The following NNT variants were observed in gnomAD, a reference collection of about 807,000 sequenced individuals.
NNT encodes NAD(P) transhydrogenase, mitochondrial.
NNT carries 50 observed loss-of-function variants against 104.8 expected under a neutral mutation model. The observed-to-expected ratio is 0.48, with a 90% confidence interval of 0.38 to 0.60. The LOEUF is 0.60. Among genes scored for constraint, NNT ranks in the 20% least tolerant of loss-of-function variants. NNT has a pLI of 0.00. For synonymous variants in NNT, 461 were observed against 490.4 expected (o/e 0.94, Z 0.79); for missense variants, 1,131 against 1,330.7 (o/e 0.85, Z 2.33).
chr5:43,696,573 A>G (rs566467590), intron 19 of NNT, among the ~76,000 whole-genome samples: 2 of 152,322 alleles, frequency 1.3e-5, no homozygotes, highest in African/African-American at 4.8e-5. Flanking sequence ...GATTTTATGT[A>G]GGTGATCCGA....
rs192171236 is a variant in NNT at position 43,620,442 on chromosome 5, G to A, written c.687+1323G>A. 2.6e-5 allele frequency among the ~76,000 whole-genome samples: 4 copies of A among 151,856 alleles called. No homozygotes were observed. In the East Asian group the frequency reaches 7.8e-4, roughly 30 times the overall value. ...TCACCATGTTGGCGAGGATGGTCTC[G>A]AACTCTTGACCTTGTGATCCGCCCG... On this transcript the variant is annotated intron_variant, in intron 5 of 21. Coordinates refer to ENST00000344920, the MANE Select transcript of NNT (RefSeq NM_182977.3).
rs183470787 is a variant in NNT, at chr5:43,699,620, C to A, written c.2877-499C>A. Among the ~76,000 whole-genome samples, 609 of 152,186 alleles carry A rather than the reference C, an allele frequency of 4.0e-3. 3 individuals are homozygous for A. Among genetic ancestry groups the A allele is most frequent in the Middle Eastern group, 0.01 (3 of 294 alleles). ...CTGCCCGTCTTGGCCTTCCAAAGTGCGGGGATTACAGGCATTAGCCACCAT... is the reference window on the plus strand; with the variant it reads ...CTGCCCGTCTTGGCCTTCCAAAGTGAGGGGATTACAGGCATTAGCCACCAT... On this transcript the variant is annotated intron_variant, in intron 19 of 21. Coordinates refer to ENST00000344920, the MANE Select transcript of NNT (RefSeq NM_182977.3).
In NNT at chr5:43,655,936, T is replaced by C. The variant is rs1740019834; in HGVS notation, c.2156T>C (p.Ile719Thr). The C allele has an allele frequency of 3.1e-6, 5 of 1,614,084 alleles. No homozygotes were observed. The highest frequency in any genetic ancestry group is 4.2e-6 in the Non-Finnish European group (5 of 1,179,898). Residue 719 changes from isoleucine (I) to threonine (T), a missense_variant, in exon 15 of 22, where the codon ATA becomes ACA. Transcript: ENST00000344920. ...LVGLAAVLTC[I>T]AEYIIEYPHF... ...GGTTTGGCAGCTGTACTTACTTGCA[T>C]AGCTGAGTACATTATAGAATATCCA...
At chr5:43,604,927 C>A (rs1209377592) in intron 1 of NNT, among the ~76,000 whole-genome samples, 2 of 152,088 alleles carry the variant, frequency 1.3e-5, no homozygotes, top group Non-Finnish European at 2.9e-5. Context: ...CCCCACTAGC[C>A]TCCCAAAGAG....
Position 43,643,236 on chromosome 5 carries a change from T to C in NNT, c.965-956T>C, listed in dbSNP as rs376807380. 8.1e-4 allele frequency among the ~76,000 whole-genome samples: 123 copies of C among 152,352 alleles called. 1 individual carries two copies. Among genetic ancestry groups the C allele is most frequent in the African/African-American group, 2.8e-3 (117 of 41,586 alleles). On this transcript the variant is annotated intron_variant, in intron 7 of 21. Coordinates refer to ENST00000344920, the MANE Select transcript of NNT (RefSeq NM_182977.3). ...ACCCAGCCATGCTCTACTTCCATAC[T>C]ACTAACATTACAAGTTTATTTCCGT...
At chr5:43,620,467 G>T (rs553155901) in intron 5 of NNT, among the ~76,000 whole-genome samples, 3 of 152,046 alleles carry the variant, frequency 2.0e-5, no homozygotes, top group Non-Finnish European at 4.4e-5. Flanking sequence ...TGATCCGCCC[G>T]CCTTGGCCTC....
At chr5:43,606,517 A>C (rs58625064) in intron 1 of NNT, among the ~76,000 whole-genome samples, 1,846 of 152,346 alleles carry the variant, frequency 0.012, 35 homozygotes, top group African/African-American at 0.043. Context: ...ATGAAATGAC[A>C]TGATATGTGG....
intron 13 of NNT, 25 bp from the exon 14 acceptor site, chr5:43,652,993 T>C (rs1308346039): frequency 1.3e-6 from 2 of 1,572,970 alleles, no homozygotes; most frequent in East Asian, 4.5e-5. Context: ...TTTAATAATC[T>C]CTCTCTCACT....
rs1013534054 is a variant in NNT at position 43,603,186 on chromosome 5, C to T, written c.-162C>T. The T allele has an allele frequency of 3.9e-5, 6 of 152,978 alleles. No homozygotes were observed. Among genetic ancestry groups the T allele is most frequent in the African/African-American group, 1.4e-4 (6 of 41,460 alleles). The allele number at this position is 152,978 out of a possible 1,614,324, so 9.5% of individuals were successfully genotyped here. On this transcript the variant is annotated 5_prime_UTR_variant, in exon 1 of 22. Transcript: ENST00000344920. The stretch of plus-strand genomic sequence containing the variant: ...CCGCCGCCGCGGAGTTGGGGCTGTT[C>T]TTCCGGGTTGGAGGCGCAGCGCCGC...
intron 17 of NNT, among the ~76,000 whole-genome samples, chr5:43,672,733 G>A (rs1003790793): frequency 6.8e-6 from 1 of 146,154 alleles, no homozygotes; most frequent in African/African-American, 2.5e-5. Context: ...CAGGGGTCAG[G>A]GACCCACTTG....
At chr5:43,611,821 G>T (rs746225203) in intron 2 of NNT, among the ~76,000 whole-genome samples, 9 of 152,100 alleles carry the variant, frequency 5.9e-5, no homozygotes, top group Non-Finnish European at 1.0e-4. Flanking sequence ...ATTAAAAAAT[G>T]TTTATGCTGC....
chr5:43,699,107 G>A (rs1389546108), intron 19 of NNT, among the ~76,000 whole-genome samples: 1 of 151,898 alleles, frequency 6.6e-6, no homozygotes, highest in Non-Finnish European at 1.5e-5. Flanking sequence ...ATAAATACTG[G>A]GCAAGAGGTT....
At position 43,650,565 on chromosome 5, in the gene NNT, C is replaced by A. The variant is rs1739704487; in HGVS notation, c.1695C>A (p.Phe565Leu). ...TSQGLAALAA[F>L]ISSVNIAGGF... ...AGGGCCTTGCTGCTCTTGCTGCATT[C>A]ATATCCTCTGTCAACATTGCAGGTA... Residue 565 changes from phenylalanine (F) to leucine (L), a missense_variant, in exon 12 of 22, where the codon TTC becomes TTA. Coordinates refer to ENST00000344920, the MANE Select transcript of NNT (RefSeq NM_182977.3). 3 of 1,613,546 alleles carry A rather than the reference C, an allele frequency of 1.9e-6. No individual in the cohort carries two copies. The Admixed American group carries it at 5.0e-5, about 27-fold the overall frequency.
At chr5:43,700,283 A>C (rs777072906) in intron 20 of NNT, 46 bp downstream of exon 20, 1 of 1,368,742 alleles carries the variant, frequency 7.3e-7, no homozygotes, top group Non-Finnish European at 1.0e-6. Flanking sequence ...CTTACTATGA[A>C]TAAAGCAGTG....
intron 17 of NNT, among the ~76,000 whole-genome samples, chr5:43,665,284 G>C (rs966707799): frequency 2.0e-5 from 3 of 151,032 alleles, no homozygotes; most frequent in Admixed American, 6.6e-5. Context: ...TCTCGGAGAG[G>C]GGGATTTGGC....
intron 10 of NNT, chr5:43,647,820 G>A (rs1216943010): frequency 4.6e-6 from 2 of 431,166 alleles, no homozygotes; most frequent in Non-Finnish European, 9.4e-6. Context: ...ATAATAGCTA[G>A]CATTTAGTGA....
At chr5:43,677,593 C>A in intron 18 of NNT, 132 bp from the exon 19 acceptor site, 1 of 723,846 alleles carries the variant, frequency 1.4e-6, no homozygotes, top group Non-Finnish European at 2.3e-6. Context: ...TATAAATTTG[C>A]TTTCATTTCT....
At chr5:43,669,370 G>T (rs1389090086) in intron 17 of NNT, among the ~76,000 whole-genome samples, 1 of 152,098 alleles carries the variant, frequency 6.6e-6, no homozygotes, top group African/African-American at 2.4e-5. Context: ...GTTTTCAAAG[G>T]GAATGCTTCC....
intron 10 of NNT, among the ~76,000 whole-genome samples, chr5:43,646,764 A>G (rs1430435196): frequency 6.6e-6 from 1 of 152,194 alleles, no homozygotes; most frequent in Non-Finnish European, 1.5e-5. Context: ...ACTACAATAT[A>G]GGCTATAGCC....
Sources: gnomAD v4.1 joint callset for allele counts (sites outside exome capture counted in the v4.1 genomes callset) on GRCh38, gnomAD v4.1.1 for gene constraint, MANE v1.5 for transcripts, NCBI Gene and HGNC (gene_info 2026-07-23, HGNC 2026-07-21) for gene names.